The following ADGRG7 variants were observed in gnomAD, a reference collection of about 807,000 sequenced individuals.
ADGRG7 encodes G-protein coupled receptor 128.
Under a neutral mutation model 88.6 loss-of-function variants are expected in ADGRG7, and 82 were observed. That is an observed-to-expected ratio of 0.93 (90% CI 0.77 to 1.11). The LOEUF (loss-of-function observed/expected upper bound fraction) is 1.11. Among genes scored for constraint, ADGRG7 ranks in the 50% most tolerant of loss-of-function variants. ADGRG7 has a pLI of 0.00. For missense variants in ADGRG7, 945 were observed against 953.4 expected (o/e 0.99, Z 0.12); for synonymous variants, 381 against 345.2 (o/e 1.10, Z -1.15).
Position 100,655,059 on chromosome 3 carries a change from A to G in ADGRG7, c.1604A>G (p.Tyr535Cys). 2 of 1,614,010 alleles carry G rather than the reference A, an allele frequency of 1.2e-6. No individual in the cohort carries two copies. The highest frequency in any genetic ancestry group is 1.7e-6 in the Non-Finnish European group (2 of 1,179,972). Residue 535 changes from tyrosine (Y) to cysteine (C), a missense_variant, in exon 12 of 16, where the codon TAT (tyrosine) becomes TGT (cysteine). By Grantham distance (194) the Tyr-to-Cys change is radical (BLOSUM62 -2). Transcript: ENST00000273352. The part of the protein sequence containing the change: ...MCTAIAALLH[Y>C]FLLVTFTWNA... Reference sequence around the variant, plus strand: ...ACTGCGATTGCCGCCTTACTGCACTATTTTCTGTTAGTGACATTTACCTGG... The same window carrying G: ...ACTGCGATTGCCGCCTTACTGCACTGTTTTCTGTTAGTGACATTTACCTGG...
intron 15 of ADGRG7, among the ~76,000 whole-genome samples, chr3:100,692,356 A>G (rs1001396926): frequency 1.3e-5 from 2 of 152,200 alleles, no homozygotes; most frequent in Non-Finnish European, 2.9e-5. Context: ...TAGAAGATCA[A>G]TAAGTAGGGT....
At chr3:100,611,296 C>CTTTA (rs1559666883) in intron 1 of ADGRG7, among the ~76,000 whole-genome samples, 1 of 123,194 alleles carries the variant, frequency 8.1e-6, no homozygotes, top group Non-Finnish European at 1.7e-5. Context: ...TCCTTCCTTC[C>CTTTA]TTCCTTTCTT....
intron 14 of ADGRG7, chr3:100,665,110 T>C (rs2094950150): frequency 1.9e-6 from 1 of 521,884 alleles, no homozygotes; most frequent in African/African-American, 1.9e-5. Context: ...CCGTATTTCT[T>C]ATTTCAAATA....
chr3:100,672,559 C>A (rs992479241), intron 15 of ADGRG7, among the ~76,000 whole-genome samples: 1 of 152,156 alleles, frequency 6.6e-6, no homozygotes, highest in Admixed American at 6.5e-5. Flanking sequence ...CTTTCTCTTG[C>A]CTGATTGCCC....
intron 15 of ADGRG7, among the ~76,000 whole-genome samples, chr3:100,669,536 A>C: frequency 1.5e-4 from 1 of 6,834 alleles, no homozygotes; most frequent in African/African-American, 1.8e-4. Context: ...TCCATCTCAA[A>C]AAAAAAAAAA....
At chr3:100,656,095 A>C (rs2094937155) in intron 13 of ADGRG7, 100 bp downstream of exon 13, 1 of 656,124 alleles carries the variant, frequency 1.5e-6, no homozygotes, top group Non-Finnish European at 2.8e-6. Context: ...ATTTCACTTT[A>C]TAATTGTCAT....
chr3:100,689,415 T>C (rs1407673084), intron 15 of ADGRG7, among the ~76,000 whole-genome samples: 1 of 152,350 alleles, frequency 6.6e-6, no homozygotes, highest in East Asian at 1.9e-4. Context: ...TTTGATCCTG[T>C]CATTATGTTA....
intron 14 of ADGRG7, 86 bp downstream of exon 14, chr3:100,659,929 G>C (rs2149031305): frequency 7.7e-7 from 1 of 1,305,598 alleles, no homozygotes; most frequent in African/African-American, 1.5e-5. Flanking sequence ...AGTTTCAGAA[G>C]CTTTCAAACT....
chr3:100,619,292 T>C (rs1222765144), intron 1 of ADGRG7, among the ~76,000 whole-genome samples: 1 of 152,180 alleles, frequency 6.6e-6, no homozygotes, highest in African/African-American at 2.4e-5. Context: ...CTGAACAACC[T>C]GCTCCTGAAT....
At chr3:100,622,155 C>A (rs1380801329) in intron 1 of ADGRG7, among the ~76,000 whole-genome samples, 1 of 152,112 alleles carries the variant, frequency 6.6e-6, no homozygotes, top group Non-Finnish European at 1.5e-5. Flanking sequence ...GGATTGGTAC[C>A]CGGGGCTGGG....
intron 10 of ADGRG7, among the ~76,000 whole-genome samples, chr3:100,647,481 A>G (rs1707774426): frequency 6.6e-6 from 1 of 152,226 alleles, no homozygotes; most frequent in Non-Finnish European, 1.5e-5. Context: ...AGTTTTTGCT[A>G]GAAGATATAA....
rs980409847 is a variant in ADGRG7, at chr3:100,613,469, G to T, written c.115+3498G>T. ...AGTGTTCTTTTGTCTTAATCCTGGT[G>T]TTGTAAATCTTTCTTCTGCTCCTTA... On this transcript the variant is annotated intron_variant, in intron 1 of 15. Transcript: ENST00000273352. 1.1e-4 allele frequency among the ~76,000 whole-genome samples: 16 copies of T among 151,566 alleles called. 1 individual carries two copies. Among genetic ancestry groups the T allele is most frequent in the Admixed American group, 9.9e-4 (15 of 15,214 alleles).
At chr3:100,645,102 G>A (rs933227430) in intron 8 of ADGRG7, among the ~76,000 whole-genome samples, 2 of 152,182 alleles carry the variant, frequency 1.3e-5, no homozygotes, top group South Asian at 2.1e-4. Context: ...TTTATCACTT[G>A]TGAAAGACAA....
chr3:100,649,622 C>A, intron 10 of ADGRG7, 73 bp from the exon 11 acceptor site: 1 of 768,136 alleles, frequency 1.3e-6, no homozygotes, highest in Non-Finnish European at 2.2e-6. Context: ...ACCCATGTAA[C>A]TCTGTGATGT....
chr3:100,653,430 TTC>T (rs1194820417), intron 11 of ADGRG7, among the ~76,000 whole-genome samples: 2 of 152,246 alleles, frequency 1.3e-5, no homozygotes, highest in Non-Finnish European at 2.9e-5. Flanking sequence ...AAGAGACTTT[TTC>T]TCTACATTTA....
At position 100,646,882 on chromosome 3, in the gene ADGRG7, G is replaced by A. The variant is rs571109095; in HGVS notation, c.1266+158G>A. ...AAATAAAATAATGGGACTTAAGGCCGGGCGCGGTGGCTCACGCCTGTAACC... is the reference window on the plus strand; with the variant it reads ...AAATAAAATAATGGGACTTAAGGCCAGGCGCGGTGGCTCACGCCTGTAACC... On this transcript the variant is annotated intron_variant, in intron 10 of 15. Transcript: ENST00000273352. Among the ~76,000 whole-genome samples the A allele has an allele frequency of 2.5e-3, 374 of 152,274 alleles. 1 individual carries two copies. Among genetic ancestry groups the A allele is most frequent in the Non-Finnish European group, 4.7e-3 (320 of 68,016 alleles).
intron 15 of ADGRG7, among the ~76,000 whole-genome samples, chr3:100,681,531 G>T (rs529361699): frequency 1.3e-3 from 198 of 152,036 alleles, no homozygotes; most frequent in African/African-American, 4.6e-3. Flanking sequence ...GGCTGGTCTT[G>T]AACTCCTGAC....
intron 15 of ADGRG7, among the ~76,000 whole-genome samples, chr3:100,681,556 C>T (rs2094973414): frequency 6.6e-6 from 1 of 152,078 alleles, no homozygotes; most frequent in South Asian, 2.1e-4. Context: ...AGTGATCCAC[C>T]CATCTCAGAC....
Position 100,655,170 on chromosome 3 carries a change from T to A in ADGRG7, c.1715T>A (p.Leu572Ter). ...CGGCATTTCATTCTTTTCATCTCATTAATTGGATGGGGTAAGTGTTTGCAT... is the reference window on the plus strand; with the variant it reads ...CGGCATTTCATTCTTTTCATCTCATAAATTGGATGGGGTAAGTGTTTGCAT... ...LPRHFILFIS[L>*]IGWGVPAIVV... The change falls in exon 12 of 16, where the codon TTA becomes TAA. Residue 572 changes from leucine to a stop codon, truncating the protein, a stop_gained. Coordinates refer to ENST00000273352, the MANE Select transcript of ADGRG7 (RefSeq NM_032787.3). LOFTEE classifies it high-confidence loss of function. 6.2e-7 allele frequency: 1 copy of A among 1,605,672 alleles called. No homozygotes were observed. Among genetic ancestry groups the A allele is most frequent in the Non-Finnish European group, 8.5e-7 (1 of 1,173,642 alleles).
Sources: gnomAD v4.1 joint callset for allele counts (sites outside exome capture counted in the v4.1 genomes callset) on GRCh38, gnomAD v4.1.1 for gene constraint, MANE v1.5 for transcripts, NCBI Gene and HGNC (gene_info 2026-07-23, HGNC 2026-07-21) for gene names.